Variants in BTN2A1 observed in about 807,000 individuals in gnomAD.
BTN2A1 encodes butyrophilin, subfamily 2, member A1.
Under a neutral mutation model 34.5 loss-of-function variants are expected in BTN2A1, and 41 were observed. The observed-to-expected ratio is 1.19, with a 90% CI of 0.93 to 1.54. The LOEUF (loss-of-function observed/expected upper bound fraction) is 1.54, where lower values mean the gene tolerates loss of function less well. Among genes scored for constraint, BTN2A1 ranks in the 40% most tolerant of loss-of-function variants. BTN2A1 has a pLI of 0.00. For synonymous variants in BTN2A1, 267 were observed against 258.6 expected, an observed-to-expected ratio of 1.03 and a Z score of -0.31; for missense variants, 642 against 662.0, an observed-to-expected ratio of 0.97 and a Z score of 0.33.
At chr6:26,464,096 C>G (rs986645851) in intron 4 of BTN2A1, among the ~76,000 whole-genome samples, 1 of 152,122 alleles carries the variant, frequency 6.6e-6, no homozygotes, top group African/African-American at 2.4e-5. Flanking sequence ...GCCACCATAC[C>G]CGGCCAGCAA....
intron 7 of BTN2A1, among the ~76,000 whole-genome samples, chr6:26,475,732 A>ACTT (rs200813923): frequency 0.028 from 4,265 of 152,220 alleles, 72 homozygotes; most frequent in South Asian, 0.044. Context: ...ACATAGTGAG[A>ACTT]CTTCATCTCT....
intron 7 of BTN2A1, among the ~76,000 whole-genome samples, chr6:26,466,579 C>T (rs1318004423): frequency 6.6e-6 from 1 of 152,126 alleles, no homozygotes. Context: ...CTTAAGAGAA[C>T]ACTAATACTT....
chr6:26,474,961 G>A (rs917747979), intron 7 of BTN2A1, among the ~76,000 whole-genome samples: 4 of 151,858 alleles, frequency 2.6e-5, no homozygotes, highest in Admixed American at 2.0e-4. Context: ...TGTTGGCCAG[G>A]CTGGCCGGCC....
chr6:26,459,770 C>T lies in BTN2A1; in HGVS notation c.372C>T (p.Arg124=). ...NITAQENGTY[R]CYFQEGRSYD... ...CAGCCCAGGAAAACGGCACCTACCG[C>T]TGTTACTTCCAAGAAGGCAGGTCCT... The change falls in exon 3 of 8, where the codon CGC becomes CGT. Residue 124 remains arginine (R), a synonymous_variant. Coordinates refer to ENST00000312541, the MANE Select transcript of BTN2A1 (RefSeq NM_007049.5). 1 of 1,614,170 alleles carries T rather than the reference C, an allele frequency of 6.2e-7. No individual in the cohort carries two copies. Among genetic ancestry groups the T allele is most frequent in the Non-Finnish European group, 8.5e-7 (1 of 1,180,002 alleles).
chr6:26,476,276 G>A (rs911097119), exon 8 of BTN2A1: 16 of 1,152,002 alleles, frequency 1.4e-5, no homozygotes, highest in African/African-American at 7.7e-5. Flanking sequence ...ACTGCTGAGC[G>A]GGTCTGTAGA....
Position 26,468,460 on chromosome 6 carries a change from A to G in BTN2A1, c.1495A>G (p.Ile499Val). ...RLGCEDSPIF[I>V]CPALTGANGV... ...GGGGTGTGAGGACAGCCCCATCTTC[A>G]TCTGCCCTGCACTCACAGGAGCCAA... is the stretch of plus-strand genomic sequence containing the variant. Residue 499 changes from isoleucine to valine, a missense_variant, in exon 8 of 8, where the codon ATC becomes GTC. By Grantham distance (29) the Ile-to-Val change is conservative (BLOSUM62 3). Coordinates refer to ENST00000312541, the MANE Select transcript of BTN2A1 (RefSeq NM_007049.5). 6.2e-7 allele frequency: 1 copy of G among 1,614,116 alleles called. No homozygotes were observed.
Position 26,462,714 on chromosome 6 carries a change from G to C in BTN2A1, c.431-530G>C. The C allele has an allele frequency of 3.2e-6, 3 of 947,944 alleles. No homozygotes were observed. In the South Asian group the frequency reaches 4.1e-5, roughly 13 times the overall value. 58.7% of individuals were successfully genotyped at this position (947,944 alleles called of 1,614,324 possible). A position where few individuals can be genotyped will look rare whatever the true frequency, so the allele number is the denominator to read the frequency against. ...GTTATGTGAAGTTCTGAACTAGACAGAAGGGTCAATGTCTTTGGATCAAAA... is the reference window on the plus strand; with the variant it reads ...GTTATGTGAAGTTCTGAACTAGACACAAGGGTCAATGTCTTTGGATCAAAA... On this transcript the variant is annotated intron_variant, in intron 3 of 7. Coordinates refer to ENST00000312541, the MANE Select transcript of BTN2A1 (RefSeq NM_007049.5).
intron 7 of BTN2A1, among the ~76,000 whole-genome samples, chr6:26,475,638 T>A (rs1763525065): frequency 6.6e-6 from 1 of 152,168 alleles, no homozygotes; most frequent in Non-Finnish European, 1.5e-5. Context: ...CAGGGCATAG[T>A]GGCTCACGCC....
chr6:26,467,170 A>G (rs1763337349), intron 7 of BTN2A1, among the ~76,000 whole-genome samples: 1 of 152,216 alleles, frequency 6.6e-6, no homozygotes, highest in South Asian at 2.1e-4. Context: ...ATCCTCCAGG[A>G]CAGTGTGAAG....
chr6:26,468,392 C>G lies in BTN2A1; in HGVS notation c.1427C>G (p.Pro476Arg), dbSNP rs753770000. Residue 476 changes from proline (P) to arginine (R), a missense_variant, in exon 8 of 8, where the codon CCC (proline) becomes CGC (arginine). By Grantham distance (103) the Pro-to-Arg change is moderately radical. Coordinates refer to ENST00000312541, the MANE Select transcript of BTN2A1 (RefSeq NM_007049.5). ...MRDRSHIYTC[P>R]RSAFSVPVRP... is the part of the protein sequence containing the mutation. ...GACAGATCGCACATCTACACATGTCCCCGTTCAGCCTTTTCCGTGCCTGTG... is the reference window on the plus strand; with the variant it reads ...GACAGATCGCACATCTACACATGTCGCCGTTCAGCCTTTTCCGTGCCTGTG... 7.4e-6 allele frequency: 12 copies of G among 1,614,040 alleles called. No individual in the cohort carries two copies. The highest frequency in any genetic ancestry group is 1.3e-5 in the African/African-American group (1 of 74,922).
rs1763274361 is a variant in BTN2A1 at position 26,465,161 on chromosome 6, G to A, written c.713-24G>A. ...CCAGATGTTCTGTTTCAAACTAAGT[G>A]GATATTTCTGGCTGCCTTTTCAGAA... is the stretch of plus-strand genomic sequence containing the variant. On this transcript the variant is annotated intron_variant, in intron 4 of 7. Transcript: ENST00000312541. The A allele has an allele frequency of 2.5e-6, 4 of 1,598,628 alleles. No individual in the cohort carries two copies. In the African/African-American group the frequency reaches 5.4e-5, roughly 21 times the overall value.
Position 26,468,747 on chromosome 6 carries a change from C to T in BTN2A1, c.*198C>T, listed in dbSNP as rs1207665820. Reference sequence around the variant, plus strand: ...CACTAGGCTGTGTTTTTAGTAGTTCCTTTGCTTGTAACTATGGGATGGGAT... The same window carrying T: ...CACTAGGCTGTGTTTTTAGTAGTTCTTTTGCTTGTAACTATGGGATGGGAT... On this transcript the variant is annotated 3_prime_UTR_variant, in exon 8 of 8. Coordinates refer to ENST00000312541, the MANE Select transcript of BTN2A1 (RefSeq NM_007049.5). 2 of 1,610,456 alleles carry T rather than the reference C, an allele frequency of 1.2e-6. No homozygotes were observed. Among genetic ancestry groups the T allele is most frequent in the African/African-American group, 2.7e-5 (2 of 74,854 alleles).
Position 26,459,829 on chromosome 6 carries a change from G to C in BTN2A1, c.430+1G>C. The C allele has an allele frequency of 6.2e-7, 1 of 1,609,424 alleles. No individual in the cohort carries two copies. The highest frequency in any genetic ancestry group is 8.5e-7 in the Non-Finnish European group (1 of 1,176,766). On this transcript the variant is annotated splice_donor_variant, in intron 3 of 7. Transcript: ENST00000312541. LOFTEE classifies it high-confidence loss of function. Reference sequence around the variant, plus strand: ...GCCATCCTGCACCTCGTAGTGGCAGGTGCGTCGCTTCATTTTGCTTTGTTA... The same window carrying C: ...GCCATCCTGCACCTCGTAGTGGCAGCTGCGTCGCTTCATTTTGCTTTGTTA...
chr6:26,465,839 A>C, intron 5 of BTN2A1, 114 bp from the exon 6 acceptor site: 1 of 1,562,700 alleles, frequency 6.4e-7, no homozygotes, highest in East Asian at 2.3e-5. Flanking sequence ...CCTAGGCATG[A>C]GGGAAGGGAG....
At chr6:26,465,445 C>A in intron 5 of BTN2A1, 39 bp downstream of exon 5, 1 of 1,596,362 alleles carries the variant, frequency 6.3e-7, no homozygotes, top group South Asian at 1.1e-5. Flanking sequence ...GGCTTGAATC[C>A]CAGCACTGTG....
At position 26,463,182 on chromosome 6, in the gene BTN2A1, A is replaced by G. The variant is rs575908099; in HGVS notation, c.431-62A>G. The G allele has an allele frequency of 2.5e-4, 366 of 1,487,868 alleles. 3 individuals are homozygous for G. In the South Asian group the frequency reaches 3.5e-3, roughly 14 times the overall value. The allele number at this position is 1,487,868 out of a possible 1,614,324, so 92.2% of individuals were successfully genotyped here. On this transcript the variant is annotated intron_variant, in intron 3 of 7. Transcript: ENST00000312541. ...TTTCTAGCTTCACAGAAGAGATGCA[A>G]TAGGCACAGAAGAGATGCAAAAGGC...
At chr6:26,460,760 A>T (rs1763144181) in intron 3 of BTN2A1, among the ~76,000 whole-genome samples, 1 of 152,036 alleles carries the variant, frequency 6.6e-6, no homozygotes, top group Non-Finnish European at 1.5e-5. Context: ...ATACAGAAAC[A>T]TTAGCCAGGC....
chr6:26,459,972 G>T (rs1309054511), intron 3 of BTN2A1, 144 bp downstream of exon 3: 7 of 220,880 alleles, frequency 3.2e-5, no homozygotes, highest in African/African-American at 2.8e-4. Flanking sequence ...GAATTCCAGG[G>T]AAAAATCCTT....
chr6:26,462,156 G>A (rs534942244), intron 3 of BTN2A1, among the ~76,000 whole-genome samples: 1 of 152,302 alleles, frequency 6.6e-6, no homozygotes, highest in South Asian at 2.1e-4. Flanking sequence ...GGTCACACAT[G>A]GCTGAAAGGT....
Sources: allele counts gnomAD v4.1 joint callset (sites outside exome capture counted in the v4.1 genomes callset), GRCh38; gene constraint gnomAD v4.1.1; transcripts MANE v1.5; gene names NCBI Gene and HGNC (gene_info 2026-07-23, HGNC 2026-07-21).